Variants in PRKG1 observed in about 807,000 individuals in gnomAD.
The protein encoded by PRKG1 is cGMP-dependent protein kinase 1.
PRKG1 carries 35 observed loss-of-function variants against 88.1 expected under a neutral mutation model. The observed-to-expected ratio is 0.40, with a 90% CI of 0.30 to 0.53. PRKG1 has a LOEUF of 0.53. PRKG1 is among the 20% of genes least tolerant of loss of function. PRKG1 has a pLI of 0.59. For synonymous variants in PRKG1, 303 were observed against 292.5 expected (o/e 1.04, Z -0.37); for missense variants, 540 against 839.8 (o/e 0.64, Z 4.41).
At chr10:51,507,522 A>G (rs1417073863) in intron 3 of PRKG1, among the ~76,000 whole-genome samples, 1 of 152,072 alleles carries the variant, frequency 6.6e-6, no homozygotes, top group Non-Finnish European at 1.5e-5. Context: ...CTTGCTTTGT[A>G]TCATGAGTAC....
At chr10:51,439,285 T>G (rs998623930) in intron 2 of PRKG1, among the ~76,000 whole-genome samples, 2 of 151,854 alleles carry the variant, frequency 1.3e-5, no homozygotes, top group African/African-American at 4.8e-5. Context: ...TCATCAGATT[T>G]GGATAATTAT....
rs143252480 is a variant in PRKG1 at position 51,203,575 on chromosome 10, C to A, written c.478+50245C>A. Among the ~76,000 whole-genome samples, 677 of 152,232 alleles carry A rather than the reference C, an allele frequency of 4.4e-3. 4 individuals are homozygous for A. Among genetic ancestry groups the A allele is most frequent in the Admixed American group, 8.4e-3 (128 of 15,292 alleles). On this transcript the variant is annotated intron_variant, in intron 2 of 17. Coordinates refer to ENST00000373980, the MANE Select transcript of PRKG1 (RefSeq NM_006258.4). ...TGCTGCAATGCTAAACAAAAGCCTC[C>A]CCTGTAATACCCTCAAACAGCACTG...
At chr10:51,863,896 A>G (rs142849235) in intron 4 of PRKG1, among the ~76,000 whole-genome samples, 157 of 152,298 alleles carry the variant, frequency 1.0e-3, no homozygotes, top group African/African-American at 3.7e-3. Flanking sequence ...CTGCTTATCA[A>G]CAATTTCCTG....
intron 3 of PRKG1, among the ~76,000 whole-genome samples, chr10:51,526,873 C>T (rs1044654313): frequency 2.0e-5 from 3 of 152,150 alleles, no homozygotes; most frequent in African/African-American, 7.2e-5. Context: ...CCATATTGCC[C>T]TTGTCATCTA....
chr10:51,508,083 A>C (rs1301631110), intron 3 of PRKG1, among the ~76,000 whole-genome samples: 1 of 152,156 alleles, frequency 6.6e-6, no homozygotes, highest in Non-Finnish European at 1.5e-5. Context: ...TTACTGTGTG[A>C]CTTTATGTTA....
intron 8 of PRKG1, among the ~76,000 whole-genome samples, chr10:52,154,102 C>A (rs1838019604): frequency 6.6e-6 from 1 of 152,080 alleles, no homozygotes; most frequent in Admixed American, 6.6e-5. Flanking sequence ...GTTAATCCTT[C>A]ATTAGTAGCT....
intron 5 of PRKG1, among the ~76,000 whole-genome samples, chr10:51,933,348 C>T (rs1842734089): frequency 6.6e-6 from 1 of 152,034 alleles, no homozygotes; most frequent in African/African-American, 2.4e-5. Context: ...AATGGATGAT[C>T]TATAAGCTTC....
chr10:51,516,860 T>G (rs548473681), intron 3 of PRKG1, among the ~76,000 whole-genome samples: 1 of 152,274 alleles, frequency 6.6e-6, no homozygotes, highest in Admixed American at 6.5e-5. Flanking sequence ...GAGCTTATAT[T>G]TTAGTGGGGG....
chr10:52,270,344 A>G (rs1459170652), intron 10 of PRKG1, among the ~76,000 whole-genome samples: 1 of 152,114 alleles, frequency 6.6e-6, no homozygotes, highest in Non-Finnish European at 1.5e-5. Context: ...TAGAAATACC[A>G]TTTGACCCAG....
At chr10:51,679,230 C>T (rs1358502255) in intron 3 of PRKG1, among the ~76,000 whole-genome samples, 3 of 152,128 alleles carry the variant, frequency 2.0e-5, no homozygotes, top group Non-Finnish European at 2.9e-5. Context: ...TCAGTAGTCT[C>T]GCAAAAGGAC....
intron 1 of PRKG1, among the ~76,000 whole-genome samples, chr10:51,132,709 T>TTA (rs927333016): frequency 3.1e-4 from 46 of 147,794 alleles, no homozygotes; most frequent in Non-Finnish European, 4.8e-4. Context: ...ATATATTATG[T>TTA]TATATATATA....
chr10:51,391,968 C>T (rs79125561), intron 2 of PRKG1, among the ~76,000 whole-genome samples: 2,960 of 152,128 alleles, frequency 0.019, 72 homozygotes, highest in Middle Eastern at 0.054. Context: ...TTCCTCAAAC[C>T]GATTATATGA....
At chr10:51,037,057 A>G (rs1843361968) in intron 1 of PRKG1, among the ~76,000 whole-genome samples, 1 of 152,216 alleles carries the variant, frequency 6.6e-6, no homozygotes, top group Non-Finnish European at 1.5e-5. Context: ...TAATTTAGAA[A>G]GTGGAAAATA....
At chr10:51,287,860 T>C (rs1229166621) in intron 2 of PRKG1, among the ~76,000 whole-genome samples, 2 of 152,152 alleles carry the variant, frequency 1.3e-5, no homozygotes, top group Non-Finnish European at 2.9e-5. Context: ...CTTTAAAAAA[T>C]TATATTGTCA....
chr10:51,435,534 C>T (rs1000767222), intron 2 of PRKG1, among the ~76,000 whole-genome samples: 3 of 151,412 alleles, frequency 2.0e-5, no homozygotes, highest in African/African-American at 4.9e-5. Flanking sequence ...GCCCCATGGA[C>T]TTTATGTGCA....
rs543200005 is a variant in PRKG1 at position 52,033,560 on chromosome 10, A to G, written c.763-20924A>G. On this transcript the variant is annotated intron_variant, in intron 5 of 17. Coordinates refer to ENST00000373980, the MANE Select transcript of PRKG1 (RefSeq NM_006258.4). ...CAGCCTTGGAGACAGTCTGTCCTCC[A>G]GTTTTATGCAGGTTGAGCTACTGTA... Among the ~76,000 whole-genome samples the G allele has an allele frequency of 6.6e-5, 10 of 152,268 alleles. No homozygotes were observed. In the South Asian group the frequency reaches 1.7e-3, roughly 25 times the overall value.
At chr10:52,047,218 G>T (rs1049604027) in intron 5 of PRKG1, among the ~76,000 whole-genome samples, 3 of 152,098 alleles carry the variant, frequency 2.0e-5, no homozygotes, top group African/African-American at 7.2e-5. Flanking sequence ...TCTTTTAGAG[G>T]ATAGGAAGGA....
At chr10:51,698,578 C>T (rs376549817) in intron 3 of PRKG1, 1 of 1,613,750 alleles carries the variant, frequency 6.2e-7, no homozygotes, top group Non-Finnish European at 8.5e-7. Context: ...CTCGAGGAGG[C>T]AGACCACCAG....
At chr10:51,369,204 G>A (rs1842650794) in intron 2 of PRKG1, among the ~76,000 whole-genome samples, 1 of 151,978 alleles carries the variant, frequency 6.6e-6, no homozygotes, top group African/African-American at 2.4e-5. Flanking sequence ...ATTCTGTTGG[G>A]CTTCTATAAG....
Sources: gnomAD v4.1 joint callset for allele counts (sites outside exome capture counted in the v4.1 genomes callset) on GRCh38, gnomAD v4.1.1 for gene constraint, MANE v1.5 for transcripts, NCBI Gene and HGNC (gene_info 2026-07-23, HGNC 2026-07-21) for gene names.